The following RBM8A variants were observed in gnomAD, a reference collection of about 807,000 sequenced individuals.
RBM8A encodes the protein RNA-binding protein 8A.
A neutral mutation model predicts 25.1 loss-of-function variants in RBM8A; 8 were observed. The ratio of observed to expected loss-of-function variants is 0.32; its 90% CI spans 0.19 to 0.58. The LOEUF (loss-of-function observed/expected upper bound fraction) is 0.58. Ranked by LOEUF, RBM8A falls within the 20% of genes least tolerant of loss-of-function variation. The pLI, the probability that RBM8A is intolerant of heterozygous loss-of-function variation, is 0.88. For synonymous variants in RBM8A, 66 were observed against 80.0 expected (o/e 0.82, Z 0.94); for missense variants, 114 against 236.8 (o/e 0.48, Z 3.40).
intron 3 of RBM8A, 61 bp downstream of exon 3, chr1:145,926,748 T>C: frequency 6.2e-7 from 1 of 1,613,962 alleles, no homozygotes. Context: ...GTTTAACTAT[T>C]TTATTGGTTT....
In RBM8A at chr1:145,924,077, G is replaced by A; in HGVS notation, c.*1805C>T. 1 of 707,778 alleles carries A rather than the reference G, an allele frequency of 1.4e-6. No homozygotes were observed. The allele number at this position is 707,778 out of a possible 1,614,324, so 43.8% of individuals were successfully genotyped here. ...TTCACTTGGAATTAAGGATGAATTG[G>A]GAGGAGACAGTATGACATAGGTGGG... On this transcript the variant is annotated 3_prime_UTR_variant, in exon 6 of 6. Coordinates refer to ENST00000583313, the MANE Select transcript of RBM8A (RefSeq NM_005105.5).
Position 145,926,823 on chromosome 1 carries a change from G to A in RBM8A, c.191C>T (p.Pro64Leu). 1.9e-6 allele frequency: 3 copies of A among 1,614,054 alleles called. No homozygotes were observed. Among genetic ancestry groups the A allele is most frequent in the African/African-American group, 2.7e-5 (2 of 74,992 alleles). The change falls in exon 3 of 6, where the codon CCC becomes CTC. Residue 64 changes from proline (P) to leucine (L), a missense_variant. By Grantham distance (98) the Pro-to-Leu change is moderately conservative. Transcript: ENST00000583313. ...YDSVEQDGDE[P>L]GPQRSVEGWI... ...TTATTACTCACAGCGTTGTGGTCCG[G>A]GTTCATCGCCATCCTGCTCCACGCT... is the stretch of plus-strand genomic sequence containing the variant.
chr1:145,924,705 C>A lies in RBM8A; in HGVS notation c.*1177G>T, dbSNP rs1359532501. On this transcript the variant is annotated 3_prime_UTR_variant, in exon 6 of 6. Transcript: ENST00000583313. ...GGAAAACGGTTTGCAACATTCTCCT[C>A]CTTGTAGGAGGCGAGCTCTGTCTCA... 5.4e-6 allele frequency: 2 copies of A among 370,558 alleles called. No individual in the cohort carries two copies. Among genetic ancestry groups the A allele is most frequent in the Non-Finnish European group, 5.4e-6 (1 of 185,518 alleles). 23.0% of individuals were successfully genotyped at this position (370,558 alleles called of 1,614,324 possible).
In RBM8A at chr1:145,924,671, T is replaced by C. The variant is rs1200566021; in HGVS notation, c.*1211A>G. 1 of 357,108 alleles carries C rather than the reference T, an allele frequency of 2.8e-6. No individual in the cohort carries two copies. The highest frequency in any genetic ancestry group is 5.5e-6 in the Non-Finnish European group (1 of 180,348). The allele number at this position is 357,108 out of a possible 1,614,324, so 22.1% of individuals were successfully genotyped here. ...GGGTAAGAAATCATATAGTCCCAGGTTGGGAAGGGGAAAACGGTTTGCAAC... is the reference window on the plus strand; with the variant it reads ...GGGTAAGAAATCATATAGTCCCAGGCTGGGAAGGGGAAAACGGTTTGCAAC... On this transcript the variant is annotated 3_prime_UTR_variant, in exon 6 of 6. Coordinates refer to ENST00000583313, the MANE Select transcript of RBM8A (RefSeq NM_005105.5).
rs1465810472 is a variant in RBM8A at position 145,926,122 on chromosome 1, C to A, written c.398G>T (p.Gly133Val). 1.2e-6 allele frequency: 2 copies of A among 1,614,056 alleles called. No homozygotes were observed. Among genetic ancestry groups the A allele is most frequent in the African/African-American group, 2.7e-5 (2 of 74,928 alleles). Reference sequence around the variant, plus strand: ...TCCCATCAAATCCTGGCCATTGAGTCCCTCCATAGCAGCCTGGGCTTCCTT... The same window carrying A: ...TCCCATCAAATCCTGGCCATTGAGTACCTCCATAGCAGCCTGGGCTTCCTT... ...TYKEAQAAME[G>V]LNGQDLMGQP... Residue 133 changes from glycine (G) to valine (V), a missense_variant, in exon 5 of 6, where the codon GGA (glycine) becomes GTA (valine). Physicochemically the swap from Gly to Val is moderately radical, Grantham distance 109. Transcript: ENST00000583313.
chr1:145,925,762 C>A lies in RBM8A; in HGVS notation c.*120G>T, dbSNP rs1648115523. ...GGAACATTTATTCGCAACTCAAATA[C>A]TACGCATATACGGTAAGAGATTAAA... On this transcript the variant is annotated 3_prime_UTR_variant, in exon 6 of 6. Transcript: ENST00000583313. 6 of 1,155,048 alleles carry A rather than the reference C, an allele frequency of 5.2e-6. No homozygotes were observed. The highest frequency in any genetic ancestry group is 6.3e-6 in the Non-Finnish European group (5 of 791,082). The allele number at this position is 1,155,048 out of a possible 1,614,324, so 71.5% of individuals were successfully genotyped here.
chr1:145,925,079 G>A lies in RBM8A; in HGVS notation c.*803C>T. The A allele has an allele frequency of 7.6e-6, 2 of 263,706 alleles. No homozygotes were observed. Among genetic ancestry groups the A allele is most frequent in the Non-Finnish European group, 1.4e-5 (2 of 144,102 alleles). The allele number at this position is 263,706 out of a possible 1,614,324, so 16.3% of individuals were successfully genotyped here. ...GGGGCCTTCACCCTTGGCTGCCGAAGAGGGCACCAAGAACTTAGTATAGAC... is the reference window on the plus strand; with the variant it reads ...GGGGCCTTCACCCTTGGCTGCCGAAAAGGGCACCAAGAACTTAGTATAGAC... On this transcript the variant is annotated 3_prime_UTR_variant, in exon 6 of 6. Coordinates refer to ENST00000583313, the MANE Select transcript of RBM8A (RefSeq NM_005105.5).
rs1432714171 is a variant in RBM8A at position 145,923,988 on chromosome 1, A to C, written c.*1894T>G. The C allele has an allele frequency of 1.5e-5, 9 of 615,954 alleles. No individual in the cohort carries two copies. The highest frequency in any genetic ancestry group is 2.7e-5 in the Non-Finnish European group (9 of 336,472). 38.2% of individuals were successfully genotyped at this position (615,954 alleles called of 1,614,324 possible). ...AGCCTAAAAGGAAGATAGGATTTTCAAGATATATTTCCAACTTCTTTAACA... is the reference window on the plus strand; with the variant it reads ...AGCCTAAAAGGAAGATAGGATTTTCCAGATATATTTCCAACTTCTTTAACA... On this transcript the variant is annotated 3_prime_UTR_variant, in exon 6 of 6. Transcript: ENST00000583313.
rs1180227528 is a variant in RBM8A, at chr1:145,922,690, G to A, written c.*3192C>T. 5 of 152,086 alleles carry A rather than the reference G, an allele frequency of 3.3e-5. No homozygotes were observed. Among genetic ancestry groups the A allele is most frequent in the African/African-American group, 1.2e-4 (5 of 41,380 alleles). The allele number at this position is 152,086 out of a possible 1,614,324, so 9.4% of individuals were successfully genotyped here. ...TGCTGTAATTGTAGTTAAAATATTA[G>A]TGTTAATAAAATAAAAAATTTAATA... On this transcript the variant is annotated 3_prime_UTR_variant, in exon 6 of 6. Transcript: ENST00000583313.
At position 145,925,373 on chromosome 1, in the gene RBM8A, C is replaced by T. The variant is rs1165905690; in HGVS notation, c.*509G>A. Reference sequence around the variant, plus strand: ...TCTCTACTTTAAACCCTACCTGAAACTTGAGACTATGTCTAATATAGAAAC... The same window carrying T: ...TCTCTACTTTAAACCCTACCTGAAATTTGAGACTATGTCTAATATAGAAAC... On this transcript the variant is annotated 3_prime_UTR_variant, in exon 6 of 6. Coordinates refer to ENST00000583313, the MANE Select transcript of RBM8A (RefSeq NM_005105.5). The T allele has an allele frequency of 3.4e-5, 12 of 355,336 alleles. No homozygotes were observed. In the East Asian group the frequency reaches 8.2e-4, roughly 24 times the overall value. The allele number at this position is 355,336 out of a possible 1,614,324, so 22.0% of individuals were successfully genotyped here.
chr1:145,922,582 G>C lies in RBM8A; in HGVS notation c.*3300C>G, dbSNP rs1014116120. On this transcript the variant is annotated 3_prime_UTR_variant, in exon 6 of 6. Transcript: ENST00000583313. ...CCTCTATTTGTTTCAATGGCAAACT[G>C]GTTGTGACATGATACATGTGCGAAA... 6.6e-6 allele frequency: 1 copy of C among 152,160 alleles called. No individual in the cohort carries two copies. The highest frequency in any genetic ancestry group is 1.5e-5 in the Non-Finnish European group (1 of 68,036). The allele number at this position is 152,160 out of a possible 1,614,324, so 9.4% of individuals were successfully genotyped here.
chr1:145,927,347 C>T lies in RBM8A; in HGVS notation c.67+13G>A, dbSNP rs1553756174. ...CTTCCCCGCTTCCCACCAGCCGTCT[C>T]CACTGTCCTCACCGTCCCCATCCTC... is the stretch of plus-strand genomic sequence containing the variant. On this transcript the variant is annotated intron_variant, in intron 1 of 5. Transcript: ENST00000583313. The T allele has an allele frequency of 3.7e-6, 6 of 1,611,190 alleles. No individual in the cohort carries two copies. The highest frequency in any genetic ancestry group is 2.2e-5 in the East Asian group (1 of 44,828).
chr1:145,926,766 C>T, intron 3 of RBM8A, 43 bp downstream of exon 3: 1 of 1,614,118 alleles, frequency 6.2e-7, no homozygotes, highest in South Asian at 1.1e-5. Context: ...TTTCTAACTA[C>T]TACCACAGAC....
chr1:145,925,954 G>A, intron 5 of RBM8A, 27 bp from the exon 6 acceptor site: 1 of 1,614,190 alleles, frequency 6.2e-7, no homozygotes, highest in South Asian at 1.1e-5. Flanking sequence ...AGGGAGAGGA[G>A]TCCATTAGAG....
chr1:145,926,396 C>G (rs1648158669), intron 4 of RBM8A, 86 bp downstream of exon 4: 1 of 1,546,058 alleles, frequency 6.5e-7, no homozygotes, highest in African/African-American at 1.4e-5. Flanking sequence ...CAACTTTGCT[C>G]TTGGCCAACC....
In RBM8A at chr1:145,924,600, A is replaced by G. The variant is rs1367708904; in HGVS notation, c.*1282T>C. 4.5e-5 allele frequency: 16 copies of G among 357,658 alleles called. No homozygotes were observed. Among genetic ancestry groups the G allele is most frequent in the Non-Finnish European group, 7.8e-5 (14 of 178,996 alleles). 22.2% of individuals were successfully genotyped at this position (357,658 alleles called of 1,614,324 possible). On this transcript the variant is annotated 3_prime_UTR_variant, in exon 6 of 6. Transcript: ENST00000583313. ...TCAGTATTATTTATTCTTGAACACC[A>G]TCAAGTCTAGACTTGGTGGCTTCAT... is the stretch of plus-strand genomic sequence containing the variant.
Position 145,925,931 on chromosome 1 carries a change from G to A in RBM8A, c.480-4C>T. On this transcript the variant is annotated splice_polypyrimidine_tract_variant and splice_region_variant and intron_variant, in intron 5 of 5. Transcript: ENST00000583313. ...TCTGCTGCGTCTTCGGCCACCTCTA[G>A]GGAAAAAGAAGCAGGGAGAGGAGTC... is the stretch of plus-strand genomic sequence containing the variant. The A allele has an allele frequency of 6.2e-7, 1 of 1,614,182 alleles. No individual in the cohort carries two copies. Among genetic ancestry groups the A allele is most frequent in the Non-Finnish European group, 8.5e-7 (1 of 1,180,030 alleles).
Position 145,927,135 on chromosome 1 carries a change from C to T in RBM8A, c.68-58G>A, listed in dbSNP as rs1570949021. 4 of 1,593,318 alleles carry T rather than the reference C, an allele frequency of 2.5e-6. No homozygotes were observed. The South Asian group carries it at 4.4e-5, about 18-fold the overall frequency. On this transcript the variant is annotated intron_variant, in intron 1 of 5. Coordinates refer to ENST00000583313, the MANE Select transcript of RBM8A (RefSeq NM_005105.5). ...TATGACAGTCATTTGTAACAATCGT[C>T]TCTTTCCCAATACACTACCAGCAAG...
rs782344526 is a variant in RBM8A at position 145,925,896 on chromosome 1, G to T, written c.511C>A (p.Arg171=). The part of the protein sequence containing the change: ...GGRRRSRSPD[R]RRR ...CAGAGGACCTGTCAGCGACGTCTCC[G>T]GTCTGGACTTCTGCTGCGTCTTCGG... The change falls in exon 6 of 6, where the codon CGG becomes AGG. Residue 171 remains arginine (R), a synonymous_variant. Coordinates refer to ENST00000583313, the MANE Select transcript of RBM8A (RefSeq NM_005105.5). The T allele has an allele frequency of 1.2e-6, 2 of 1,614,036 alleles. No homozygotes were observed. The highest frequency in any genetic ancestry group is 2.2e-5 in the East Asian group (1 of 44,886).
Sources: gnomAD v4.1 joint callset for allele counts on GRCh38, gnomAD v4.1.1 for gene constraint, MANE v1.5 for transcripts, NCBI Gene and HGNC (gene_info 2026-07-23, HGNC 2026-07-21) for gene names.